Variants in TNNI3K observed in about 807,000 individuals in gnomAD.
TNNI3K encodes serine/threonine-protein kinase TNNI3K.
In TNNI3K, 140 loss-of-function variants were observed where a neutral mutation model predicts 114.5. The ratio of observed to expected loss-of-function variants is 1.22; its 90% CI spans 1.07 to 1.41. TNNI3K has a LOEUF of 1.41. Ranked by LOEUF, TNNI3K falls within the 40% of genes most tolerant of loss-of-function variation. The pLI is 0.00. For synonymous variants in TNNI3K, 347 were observed against 347.5 expected (o/e 1.00, Z 0.02); for missense variants, 1,125 against 1,007.6 (o/e 1.12, Z -1.58).
chr1:74,450,740 A>G (rs970147950), intron 20 of TNNI3K, among the ~76,000 whole-genome samples: 4 of 152,170 alleles, frequency 2.6e-5, no homozygotes, highest in African/African-American at 7.2e-5. Context: ...TAATAAGTCA[A>G]CAAACAACAG....
intron 9 of TNNI3K, among the ~76,000 whole-genome samples, chr1:74,347,655 A>G (rs1290297332): frequency 1.3e-5 from 2 of 152,150 alleles, no homozygotes; most frequent in African/African-American, 4.8e-5. Flanking sequence ...CATCCTCTCC[A>G]GCACCTGTTG....
chr1:74,540,375 T>G, intron 24 of TNNI3K, 62 bp downstream of exon 24: 1 of 1,514,406 alleles, frequency 6.6e-7, no homozygotes, highest in Non-Finnish European at 9.0e-7. Flanking sequence ...GATGTCTATT[T>G]GACAAAAAGG....
chr1:74,436,899 A>G (rs971097251), intron 19 of TNNI3K, among the ~76,000 whole-genome samples: 4 of 152,080 alleles, frequency 2.6e-5, no homozygotes, highest in African/African-American at 9.7e-5. Flanking sequence ...TCTATTAACT[A>G]TTCATCGTTC....
chr1:74,501,201 T>G lies in TNNI3K; in HGVS notation c.2351+8935T>G, dbSNP rs150431121. Among the ~76,000 whole-genome samples the G allele has an allele frequency of 1.9e-4, 29 of 152,358 alleles. No homozygotes were observed. The East Asian group carries it at 5.2e-3, about 27-fold the overall frequency. On this transcript the variant is annotated intron_variant, in intron 23 of 24. Transcript: ENST00000326637. ...TCTCTATCCTGCTTTCTGGGTAATT[T>G]TTTCAGATCTGTCTTCCAATTCACT... is the stretch of plus-strand genomic sequence containing the variant.
chr1:74,312,762 C>G (rs898823899), intron 5 of TNNI3K, among the ~76,000 whole-genome samples: 10 of 152,196 alleles, frequency 6.6e-5, no homozygotes, highest in Admixed American at 6.5e-4. Context: ...ATCCTGACAT[C>G]TCTTCTTTTC....
intron 4 of TNNI3K, among the ~76,000 whole-genome samples, chr1:74,256,956 T>C (rs1655353492): frequency 6.6e-6 from 1 of 152,204 alleles, no homozygotes; most frequent in Non-Finnish European, 1.5e-5. Context: ...ACTGAGTTTT[T>C]ATATCTGTAA....
At chr1:74,335,903 T>A in intron 6 of TNNI3K, 108 bp from the exon 7 acceptor site, 1 of 1,245,588 alleles carries the variant, frequency 8.0e-7, no homozygotes, top group African/African-American at 1.5e-5. Flanking sequence ...CTAGGTGATA[T>A]AACAATAAAT....
At chr1:74,461,178 A>C (rs897615417) in intron 20 of TNNI3K, among the ~76,000 whole-genome samples, 2 of 152,180 alleles carry the variant, frequency 1.3e-5, no homozygotes, top group African/African-American at 4.8e-5. Context: ...TCCCAGAAAT[A>C]ATTTAAAAAT....
chr1:74,409,361 T>C lies in TNNI3K; in HGVS notation c.1773-26719T>C, dbSNP rs180708098. On this transcript the variant is annotated intron_variant, in intron 17 of 24. Coordinates refer to ENST00000326637, the MANE Select transcript of TNNI3K (RefSeq NM_015978.3). ...TATCTAATCTGTGTTACTACCTTGCTACCTTTTTTTGAGGTTATGTTTAAA... is the reference window on the plus strand; with the variant it reads ...TATCTAATCTGTGTTACTACCTTGCCACCTTTTTTTGAGGTTATGTTTAAA... Among the ~76,000 whole-genome samples, 51 of 152,348 alleles carry C rather than the reference T, an allele frequency of 3.3e-4. No homozygotes were observed. In the East Asian group the frequency reaches 7.9e-3, roughly 24 times the overall value.
At chr1:74,475,401 T>TATATATTAAAA (rs1668146909) in intron 21 of TNNI3K, 4 of 717,066 alleles carry the variant, frequency 5.6e-6, no homozygotes, top group Admixed American at 2.0e-5. Context: ...TAAGTAAGCC[T>TATATATTAAAA]GCTTCATTAA....
intron 17 of TNNI3K, among the ~76,000 whole-genome samples, chr1:74,405,480 G>A (rs1437282604): frequency 1.3e-5 from 2 of 152,202 alleles, no homozygotes; most frequent in African/African-American, 4.8e-5. Context: ...AATGATCTAA[G>A]TGAATGATAA....
rs71588834 is a variant in TNNI3K, at chr1:74,448,260, TAAA to T, written c.2011+8659_2011+8661del. Among the ~76,000 whole-genome samples, 879 of 89,062 alleles carry T rather than the reference TAAA, an allele frequency of 9.9e-3. 9 individuals are homozygous for T. Among genetic ancestry groups the T allele is most frequent in the African/African-American group, 0.03 (735 of 24,634 alleles). The allele number at this position is 89,062 out of a possible 152,430, so 58.4% of individuals were successfully genotyped here. On this transcript the variant is annotated intron_variant, in intron 20 of 24. Transcript: ENST00000326637. ...ATGTACCCTAAAACTTAGAGTATAA[TAAA>T]AAAAAAAAAAAAAAAAAAAAGAATG...
chr1:74,322,403 TC>T (rs1364189879), intron 5 of TNNI3K, among the ~76,000 whole-genome samples: 2 of 152,094 alleles, frequency 1.3e-5, no homozygotes, highest in Non-Finnish European at 2.9e-5. Flanking sequence ...GTTGACCATT[TC>T]TTCTCATCTT....
intron 19 of TNNI3K, chr1:74,439,224 T>C: frequency 3.2e-6 from 1 of 314,744 alleles, no homozygotes; most frequent in Non-Finnish European, 5.7e-6. Context: ...ACTTGTGTGA[T>C]GTTTTAGGAA....
chr1:74,370,357 C>G lies in TNNI3K; in HGVS notation c.1737C>G (p.Asn579Lys). The G allele has an allele frequency of 6.2e-7, 1 of 1,607,602 alleles. No individual in the cohort carries two copies. Among genetic ancestry groups the G allele is most frequent in the South Asian group, 1.1e-5 (1 of 90,368 alleles). The stretch of plus-strand genomic sequence containing the variant: ...CCAAAGGCATGGAGTACCTTCACAA[C>G]CTGACACAGCCAATTATACATCGTG... ...DVAKGMEYLH[N>K]LTQPIIHRDL... Residue 579 changes from asparagine (N) to lysine (K), a missense_variant, in exon 17 of 25, where the codon AAC becomes AAG. Physicochemically the swap from Asn to Lys is moderately conservative, Grantham distance 94 (BLOSUM62 0). Coordinates refer to ENST00000326637, the MANE Select transcript of TNNI3K (RefSeq NM_015978.3).
In TNNI3K at chr1:74,370,377, A is replaced by G; in HGVS notation, c.1757A>G (p.His586Arg). 1 of 1,606,474 alleles carries G rather than the reference A, an allele frequency of 6.2e-7. No individual in the cohort carries two copies. Among genetic ancestry groups the G allele is most frequent in the Admixed American group, 1.7e-5 (1 of 59,232 alleles). The change falls in exon 17 of 25, where the codon CAT becomes CGT. Residue 586 changes from histidine to arginine, a missense_variant. Transcript: ENST00000326637. Reference sequence around the variant, plus strand: ...CACAACCTGACACAGCCAATTATACATCGTGACTTGAACAGGTATTTTTTT... The same window carrying G: ...CACAACCTGACACAGCCAATTATACGTCGTGACTTGAACAGGTATTTTTTT... Reference protein sequence around the residue: ...YLHNLTQPIIHRDLNSHNILL... With the variant: ...YLHNLTQPIIRRDLNSHNILL...
chr1:74,235,840 A>C (rs1011766138), intron 1 of TNNI3K, among the ~76,000 whole-genome samples: 7 of 151,540 alleles, frequency 4.6e-5, no homozygotes, highest in Non-Finnish European at 1.0e-4. Flanking sequence ...ATTAAAATGC[A>C]ATAAAATCAA....
In TNNI3K at chr1:74,280,314, G is replaced by A. The variant is rs1447793661; in HGVS notation, c.444+8606G>A. Among the ~76,000 whole-genome samples the A allele has an allele frequency of 2.6e-5, 4 of 152,090 alleles. 1 individual carries two copies. The East Asian group carries it at 5.8e-4, about 22-fold the overall frequency. On this transcript the variant is annotated intron_variant, in intron 5 of 24. Transcript: ENST00000326637. ...GGAGAATGGTGCGAACCTGGGAGGCGGAGCTTGCAGTGAGCAGAGATCGTG... is the reference window on the plus strand; with the variant it reads ...GGAGAATGGTGCGAACCTGGGAGGCAGAGCTTGCAGTGAGCAGAGATCGTG...
chr1:74,407,424 G>T (rs1175169303), intron 17 of TNNI3K, among the ~76,000 whole-genome samples: 1 of 152,116 alleles, frequency 6.6e-6, no homozygotes, highest in African/African-American at 2.4e-5. Flanking sequence ...GTTATCAATA[G>T]AAAATTAAAT....
Sources: gnomAD v4.1 joint callset for allele counts (sites outside exome capture counted in the v4.1 genomes callset) on GRCh38, gnomAD v4.1.1 for gene constraint, MANE v1.5 for transcripts, NCBI Gene and HGNC (gene_info 2026-07-23, HGNC 2026-07-21) for gene names.